SLIT3: variants seen among roughly 807,000 people sequenced by gnomAD.
The protein encoded by SLIT3 is slit homolog 3 protein.
In SLIT3, 68 loss-of-function variants were observed where a neutral mutation model predicts 184.0. The ratio of observed to expected loss-of-function variants is 0.37; its 90% CI spans 0.30 to 0.45. SLIT3 has a LOEUF of 0.45. Among genes scored for constraint, SLIT3 ranks in the 20% least tolerant of loss-of-function variants. The pLI is 1.00. For missense variants in SLIT3, 1,707 were observed against 2,026.0 expected, an observed-to-expected ratio of 0.84 and a Z score of 3.02; for synonymous variants, 831 against 828.6, an observed-to-expected ratio of 1.00 and a Z score of -0.05.
rs1201963277 is a variant in SLIT3, at chr5:168,921,066, T to C, written c.414-37730A>G. Among the ~76,000 whole-genome samples, 19 of 152,242 alleles carry C rather than the reference T, an allele frequency of 1.2e-4. 1 individual carries two copies. Among genetic ancestry groups the C allele is most frequent in the Admixed American group, 1.2e-3 (18 of 15,290 alleles). ...TGGAGTTTAAGTTGTGGGTCTCGGA[T>C]TTAAAACCCTGATTTTTCCCCTCAA... On this transcript the variant is annotated intron_variant, in intron 4 of 35. Coordinates refer to ENST00000519560, the MANE Select transcript of SLIT3 (RefSeq NM_003062.4).
chr5:168,975,938 A>G (rs962149867), intron 4 of SLIT3, among the ~76,000 whole-genome samples: 5 of 152,092 alleles, frequency 3.3e-5, no homozygotes, highest in East Asian at 1.9e-4. Context: ...TCTACGATCA[A>G]CTCTATCCCT....
At chr5:169,260,549 T>C (rs1236717473) in intron 1 of SLIT3, among the ~76,000 whole-genome samples, 1 of 152,216 alleles carries the variant, frequency 6.6e-6, no homozygotes, top group Non-Finnish European at 1.5e-5. Flanking sequence ...GACACTTTTC[T>C]TCCTATTTCT....
intron 4 of SLIT3, among the ~76,000 whole-genome samples, chr5:168,907,444 T>C (rs1761087827): frequency 6.6e-6 from 1 of 152,224 alleles, no homozygotes; most frequent in Admixed American, 6.5e-5. Flanking sequence ...TAAAGTATAA[T>C]CATGTATCTG....
rs117315608 is a variant in SLIT3 at position 168,719,409 on chromosome 5, A to G, written c.2483+2847T>C. On this transcript the variant is annotated intron_variant, in intron 23 of 35. Coordinates refer to ENST00000519560, the MANE Select transcript of SLIT3 (RefSeq NM_003062.4). ...ATAGAAATGACTTTATATAAACACT[A>G]ACTATCACAATTTTTTTCATTTGCT... Among the ~76,000 whole-genome samples, 578 of 150,690 alleles carry G rather than the reference A, an allele frequency of 3.8e-3. 22 individuals carry two copies. The East Asian group carries it at 0.095, about 25-fold the overall frequency.
At chr5:169,063,774 C>T (rs956936020) in intron 4 of SLIT3, among the ~76,000 whole-genome samples, 8 of 152,216 alleles carry the variant, frequency 5.3e-5, no homozygotes, top group East Asian at 1.9e-4. Context: ...ATGTTCATCT[C>T]GCGCTAACAG....
chr5:168,850,871 G>T (rs1394376400), intron 5 of SLIT3, among the ~76,000 whole-genome samples: 1 of 152,186 alleles, frequency 6.6e-6, no homozygotes, highest in Non-Finnish European at 1.5e-5. Flanking sequence ...GCCACAAAGA[G>T]GCACACCAGA....
chr5:169,236,812 A>G (rs1019007579), intron 3 of SLIT3, among the ~76,000 whole-genome samples: 4 of 152,196 alleles, frequency 2.6e-5, no homozygotes, highest in African/African-American at 9.6e-5. Context: ...ATATAAATAC[A>G]TGTATCAAAA....
chr5:169,082,199 A>G (rs936668732), intron 4 of SLIT3, among the ~76,000 whole-genome samples: 1 of 152,222 alleles, frequency 6.6e-6, no homozygotes, highest in Non-Finnish European at 1.5e-5. Context: ...TGTGGAAGCC[A>G]CGCCAAACAA....
chr5:168,955,233 G>A (rs896830858), intron 4 of SLIT3, among the ~76,000 whole-genome samples: 4 of 152,170 alleles, frequency 2.6e-5, no homozygotes, highest in African/African-American at 9.7e-5. Context: ...CTAATACAAA[G>A]GCTGCCAGAA....
chr5:168,696,507 G>A, intron 27 of SLIT3, 76 bp from the exon 28 acceptor site: 1 of 1,540,300 alleles, frequency 6.5e-7, no homozygotes, highest in Non-Finnish European at 8.9e-7. Context: ...CAGAGAGGAA[G>A]ACACGGGTGG....
chr5:169,086,507 T>G (rs1335716201), intron 4 of SLIT3, among the ~76,000 whole-genome samples: 1 of 152,250 alleles, frequency 6.6e-6, no homozygotes, highest in Non-Finnish European at 1.5e-5. Flanking sequence ...ACACATGAAC[T>G]ATATACGGCT....
intron 16 of SLIT3, among the ~76,000 whole-genome samples, chr5:168,755,389 A>ATTTCTTTCTTTCTTTTCTTTTCTTTTCT (rs1754860430): frequency 1.5e-5 from 2 of 133,640 alleles, no homozygotes. Flanking sequence ...CAGTGCCGCC[A>ATTTCTTTCTTTCTTTTCTTTTCTTTTCT]TTTCTTTCTT....
chr5:169,239,048 G>T (rs541315436), intron 3 of SLIT3, among the ~76,000 whole-genome samples: 7 of 152,198 alleles, frequency 4.6e-5, no homozygotes, highest in Non-Finnish European at 8.8e-5. Flanking sequence ...ATCTACTGGG[G>T]ATTCACTGAA....
At chr5:168,737,765 GTT>G (rs1371593537) in intron 20 of SLIT3, among the ~76,000 whole-genome samples, 1 of 152,196 alleles carries the variant, frequency 6.6e-6, no homozygotes, top group Non-Finnish European at 1.5e-5. Flanking sequence ...GCTTTGCAGA[GTT>G]TGTTTCCAGA....
chr5:169,019,307 C>T (rs1756509993), intron 4 of SLIT3, among the ~76,000 whole-genome samples: 1 of 152,174 alleles, frequency 6.6e-6, no homozygotes, highest in South Asian at 2.1e-4. Flanking sequence ...GGGTCACAGC[C>T]TAGTTTGAAG....
intron 7 of SLIT3, among the ~76,000 whole-genome samples, chr5:168,822,912 TTCAG>T (rs1282975837): frequency 6.6e-6 from 1 of 152,170 alleles, no homozygotes; most frequent in Non-Finnish European, 1.5e-5. Context: ...TGGTGAATCA[TTCAG>T]TCAGAGTTCT....
chr5:168,755,392 T>TATTTCTTTCTTTC lies in SLIT3; in HGVS notation c.1686-1386_1686-1385insGAAAGAAAGAAAT, dbSNP rs1561913217. 3.5e-4 allele frequency among the ~76,000 whole-genome samples: 3 copies of TATTTCTTTCTTTC among 8,506 alleles called. No individual in the cohort carries two copies. In the East Asian group the frequency reaches 7.0e-3, roughly 20 times the overall value. The allele number at this position is 8,506 out of a possible 152,430, so 5.6% of individuals were successfully genotyped here. A position where few individuals can be genotyped will look rare whatever the true frequency, so the allele number is the denominator to read the frequency against. On this transcript the variant is annotated intron_variant, in intron 16 of 35. Transcript: ENST00000519560. ...CTATCAAACCCTCAGTGCCGCCATTTCTTTCTTTCTTTCTTTCTTTCTTTC... is the reference window on the plus strand; with the variant it reads ...CTATCAAACCCTCAGTGCCGCCATTTATTTCTTTCTTTCCTTTCTTTCTTTCTTTCTTTCTTTC...
chr5:168,715,071 T>C (rs1762676759), intron 23 of SLIT3, among the ~76,000 whole-genome samples: 1 of 152,164 alleles, frequency 6.6e-6, no homozygotes, highest in African/African-American at 2.4e-5. Context: ...GTGAATTCTC[T>C]TCTGAGCAGG....
chr5:168,861,381 C>T (rs879617300), intron 5 of SLIT3, among the ~76,000 whole-genome samples: 11 of 151,870 alleles, frequency 7.2e-5, no homozygotes, highest in South Asian at 2.1e-4. Flanking sequence ...GAATTCCATG[C>T]GTGTCCGTCC....
Sources: allele counts gnomAD v4.1 joint callset (sites outside exome capture counted in the v4.1 genomes callset), GRCh38; gene constraint gnomAD v4.1.1; transcripts MANE v1.5; gene names NCBI Gene and HGNC (gene_info 2026-07-23, HGNC 2026-07-21).